Variants in ROS1 observed in about 807,000 individuals in gnomAD.
The protein encoded by ROS1 is proto-oncogene tyrosine-protein kinase ROS.
ROS1 carries 263 observed loss-of-function variants against 273.5 expected under a neutral mutation model. The ratio of observed to expected loss-of-function variants is 0.96; its 90% CI spans 0.87 to 1.06. The LOEUF (loss-of-function observed/expected upper bound fraction) is 1.06. Ranked by LOEUF, ROS1 falls within the 50% of genes least tolerant of loss-of-function variation. The pLI is 0.00. For missense variants in ROS1, 2,833 were observed against 2,751.1 expected (o/e 1.03, Z -0.67); for synonymous variants, 1,008 against 954.1 (o/e 1.06, Z -1.04).
chr6:117,365,084 G>A lies in ROS1; in HGVS notation c.3079C>T (p.Leu1027=), dbSNP rs866805588. 1 of 1,613,864 alleles carries A rather than the reference G, an allele frequency of 6.2e-7. No homozygotes were observed. The highest frequency in any genetic ancestry group is 8.5e-7 in the Non-Finnish European group (1 of 1,179,872). Residue 1027 remains leucine, a synonymous_variant, in exon 21 of 44, where the codon CTG becomes TTG. Transcript: ENST00000368507. ...TYWGKGPKTS[L]SLRAPETVPS... ...CCTGTTTCAGGTGCTCGAAGTGACA[G>A]AGATGTTTTGGGGCCCTTTCCCCAG...
intron 31 of ROS1, among the ~76,000 whole-genome samples, chr6:117,340,096 G>C (rs1777809875): frequency 6.6e-6 from 1 of 152,100 alleles, no homozygotes. Context: ...TACTAAAATA[G>C]ATGTTATTTT....
At chr6:117,324,070 T>G (rs1456526899) in intron 35 of ROS1, among the ~76,000 whole-genome samples, 1 of 152,200 alleles carries the variant, frequency 6.6e-6, no homozygotes, top group Non-Finnish European at 1.5e-5. Context: ...AACCTAAAAG[T>G]TGGTGCCCTT....
chr6:117,372,126 G>A lies in ROS1; in HGVS notation c.2583-5836C>T, dbSNP rs143629422. Among the ~76,000 whole-genome samples the A allele has an allele frequency of 2.2e-4, 34 of 152,232 alleles. No individual in the cohort carries two copies. In the East Asian group the frequency reaches 6.4e-3, roughly 29 times the overall value. Reference sequence around the variant, plus strand: ...GTAATAAAAGCCATCTATGACAAACGCATGGCCAACATTACACTGAATAGA... The same window carrying A: ...GTAATAAAAGCCATCTATGACAAACACATGGCCAACATTACACTGAATAGA... On this transcript the variant is annotated intron_variant, in intron 18 of 43. Coordinates refer to ENST00000368507, the MANE Select transcript of ROS1 (RefSeq NM_001378902.1).
intron 18 of ROS1, among the ~76,000 whole-genome samples, chr6:117,368,912 T>C (rs1780494799): frequency 6.6e-6 from 1 of 152,092 alleles, no homozygotes; most frequent in South Asian, 2.1e-4. Context: ...AGATTGCATG[T>C]TGAAGTGACA....
At chr6:117,404,854 A>G (rs1343054910) in intron 5 of ROS1, among the ~76,000 whole-genome samples, 1 of 152,154 alleles carries the variant, frequency 6.6e-6, no homozygotes, top group Non-Finnish European at 1.5e-5. Context: ...TAATTCTACT[A>G]TTGCTGTGCA....
chr6:117,327,677 G>A (rs191770495), intron 33 of ROS1, among the ~76,000 whole-genome samples: 1 of 152,202 alleles, frequency 6.6e-6, no homozygotes, highest in African/African-American at 2.4e-5. Flanking sequence ...CATGGTTTGT[G>A]TACTGGATTG....
In ROS1 at chr6:117,341,230, G is replaced by T; in HGVS notation, c.4966C>A (p.Pro1656Thr). ...GTGTTCTCTGGAACCAAGGAATAAG[G>T]TTTCTCTGGTGTGTTAAACATTTCC... ...TVEMFNTPEK[P>T]YSLVPENTSL... Residue 1656 changes from proline to threonine, a missense_variant, in exon 31 of 44, where the codon CCT (proline) becomes ACT (threonine). Physicochemically the swap from Pro to Thr is conservative, Grantham distance 38. Coordinates refer to ENST00000368507, the MANE Select transcript of ROS1 (RefSeq NM_001378902.1). 6.2e-7 allele frequency: 1 copy of T among 1,613,332 alleles called. No individual in the cohort carries two copies. Among genetic ancestry groups the T allele is most frequent in the South Asian group, 1.1e-5 (1 of 91,058 alleles).
chr6:117,294,806 G>A (rs1774092899), intron 43 of ROS1, among the ~76,000 whole-genome samples: 1 of 152,014 alleles, frequency 6.6e-6, no homozygotes, highest in Admixed American at 6.6e-5. Flanking sequence ...GAAAGAAATT[G>A]TAGGAGGCAC....
intron 33 of ROS1, chr6:117,328,925 T>G: frequency 1.6e-6 from 1 of 606,642 alleles, no homozygotes; most frequent in South Asian, 1.4e-5. Flanking sequence ...GAGAAATATC[T>G]ACTTCATCAC....
chr6:117,333,651 G>A (rs1053265796), intron 32 of ROS1, among the ~76,000 whole-genome samples: 8 of 152,162 alleles, frequency 5.3e-5, no homozygotes, highest in East Asian at 1.9e-4. Flanking sequence ...CGAACAAGTC[G>A]GCTTCATCCC....
chr6:117,424,275 A>T (rs936826829), intron 1 of ROS1, among the ~76,000 whole-genome samples: 1 of 151,964 alleles, frequency 6.6e-6, no homozygotes, highest in African/African-American at 2.4e-5. Flanking sequence ...GTAATGAAAA[A>T]GCTGGTTGCA....
chr6:117,295,363 A>G (rs963166396), intron 43 of ROS1, among the ~76,000 whole-genome samples: 8 of 152,216 alleles, frequency 5.3e-5, no homozygotes, highest in South Asian at 2.1e-4. Flanking sequence ...ATTTAAATCT[A>G]AGACTTCAAA....
At chr6:117,308,985 G>C (rs2128546631) in intron 41 of ROS1, 57 bp from the exon 42 acceptor site, 2 of 1,551,134 alleles carry the variant, frequency 1.3e-6, no homozygotes, top group Non-Finnish European at 1.8e-6. Flanking sequence ...CAGGTTTACA[G>C]TAGTTTCTCC....
intron 18 of ROS1, among the ~76,000 whole-genome samples, chr6:117,371,637 G>A (rs1780781758): frequency 6.6e-6 from 1 of 152,166 alleles, no homozygotes; most frequent in Admixed American, 6.5e-5. Flanking sequence ...CAGGTGGGAG[G>A]TATGAAACCT....
At chr6:117,390,029 A>C (rs1244627887) in intron 12 of ROS1, among the ~76,000 whole-genome samples, 183 bp from the exon 13 acceptor site, 1 of 152,252 alleles carries the variant, frequency 6.6e-6, no homozygotes, top group Admixed American at 6.5e-5. Context: ...TTTAAGTTAC[A>C]AGTTGGAACA....
intron 21 of ROS1, 57 bp downstream of exon 21, chr6:117,365,003 T>A (rs182405890): frequency 2.0e-6 from 3 of 1,523,292 alleles, no homozygotes; most frequent in Non-Finnish European, 2.7e-6. Flanking sequence ...CCATTCCAGA[T>A]CATGAAAAGT....
At chr6:117,304,123 T>C (rs1440956209) in intron 42 of ROS1, among the ~76,000 whole-genome samples, 1 of 152,186 alleles carries the variant, frequency 6.6e-6, no homozygotes, top group African/African-American at 2.4e-5. Context: ...AGTGCCAAGC[T>C]TGGCTCTATT....
intron 20 of ROS1, 43 bp from the exon 21 acceptor site, chr6:117,365,247 T>C (rs763100585): frequency 2.7e-6 from 4 of 1,501,754 alleles, no homozygotes; most frequent in Admixed American, 2.2e-5. Context: ...GGGAGAGAAT[T>C]ATAAAATCTT....
Position 117,293,139 on chromosome 6 carries a change from A to G in ROS1, c.6716-4337T>C, listed in dbSNP as rs75385575. Among the ~76,000 whole-genome samples the G allele has an allele frequency of 3.0e-3, 452 of 152,124 alleles. 1 individual carries two copies. The highest frequency in any genetic ancestry group is 0.01 in the African/African-American group (419 of 41,492). ...TCAGCTTAGATGTAACCTCCTCCCAATGGTTTTTCTTGACTCTCCCTCTGC... is the reference window on the plus strand; with the variant it reads ...TCAGCTTAGATGTAACCTCCTCCCAGTGGTTTTTCTTGACTCTCCCTCTGC... On this transcript the variant is annotated intron_variant, in intron 43 of 43. Coordinates refer to ENST00000368507, the MANE Select transcript of ROS1 (RefSeq NM_001378902.1).
Sources: allele counts gnomAD v4.1 joint callset (sites outside exome capture counted in the v4.1 genomes callset), GRCh38; gene constraint gnomAD v4.1.1; transcripts MANE v1.5; gene names NCBI Gene and HGNC (gene_info 2026-07-23, HGNC 2026-07-21).